Variants in SLC25A26 observed in about 807,000 individuals in gnomAD.
The protein encoded by SLC25A26 is mitochondrial S-adenosylmethionine carrier protein.
Under a neutral mutation model 37.8 loss-of-function variants are expected in SLC25A26, and 36 were observed. That is an observed-to-expected ratio of 0.95 (90% CI 0.73 to 1.26). The LOEUF (loss-of-function observed/expected upper bound fraction) is 1.26, where lower values mean the gene tolerates loss of function less well. Ranked by LOEUF, SLC25A26 falls within the 50% of genes most tolerant of loss-of-function variation. The pLI is 0.00. For missense variants in SLC25A26, 390 were observed against 331.1 expected (o/e 1.18, Z -1.38); for synonymous variants, 129 against 122.5 (o/e 1.05, Z -0.35).
intron 5 of SLC25A26, among the ~76,000 whole-genome samples, chr3:66,343,194 A>G (rs1157937883): frequency 2.6e-5 from 4 of 152,206 alleles, no homozygotes; most frequent in Non-Finnish European, 5.9e-5. Flanking sequence ...TGTTTTAGCT[A>G]TGGAGCTGTA....
intron 1 of SLC25A26, among the ~76,000 whole-genome samples, chr3:66,165,050 C>T (rs1405060078): frequency 6.6e-6 from 1 of 152,186 alleles, no homozygotes; most frequent in Non-Finnish European, 1.5e-5. Flanking sequence ...ACCTCAGAGA[C>T]TGTATCCTGA....
Position 66,377,767 on chromosome 3 carries a change from C to T in SLC25A26, c.785C>T (p.Thr262Met), listed in dbSNP as rs767197019. 2.4e-5 allele frequency: 39 copies of T among 1,613,788 alleles called. No individual in the cohort carries two copies. The East Asian group carries it at 3.3e-4, about 14-fold the overall frequency. The change falls in exon 10 of 10, where the codon ACG becomes ATG. Residue 262 changes from threonine to methionine, a missense_variant. Thr to Met is a moderately conservative substitution (Grantham distance 81). Coordinates refer to ENST00000354883, the MANE Select transcript of SLC25A26 (RefSeq NM_001379210.1). ...GFIFLGAYDR[T>M]HSLLLEVGRK... ...ATCTTTCTGGGGGCTTATGACCGAA[C>T]GCACAGCTTGCTGTTGGAAGTTGGC...
intron 5 of SLC25A26, among the ~76,000 whole-genome samples, chr3:66,301,507 A>G (rs1186047013): frequency 2.0e-5 from 3 of 152,192 alleles, no homozygotes; most frequent in Non-Finnish European, 2.9e-5. Flanking sequence ...TAGTATTTTT[A>G]TGTAAGCAGA....
chr3:66,258,565 G>A (rs539076406), intron 3 of SLC25A26, among the ~76,000 whole-genome samples: 1 of 152,216 alleles, frequency 6.6e-6, no homozygotes, highest in Non-Finnish European at 1.5e-5. Flanking sequence ...GAGATATAAT[G>A]TAAGATGCAG....
chr3:66,305,953 C>T (rs1054478229), intron 5 of SLC25A26, among the ~76,000 whole-genome samples: 21 of 152,086 alleles, frequency 1.4e-4, no homozygotes, highest in South Asian at 2.1e-4. Flanking sequence ...TCCTCAACCT[C>T]GCCAGCATCT....
chr3:66,311,013 A>G (rs2075361377), intron 5 of SLC25A26, among the ~76,000 whole-genome samples: 1 of 151,912 alleles, frequency 6.6e-6, no homozygotes, highest in Non-Finnish European at 1.5e-5. Flanking sequence ...TGCTCTCTGT[A>G]TTTCCTGAAT....
intron 1 of SLC25A26, among the ~76,000 whole-genome samples, chr3:66,149,555 A>ATTGTGCTC (rs1490626493): frequency 6.6e-6 from 1 of 152,250 alleles, no homozygotes; most frequent in African/African-American, 2.4e-5. Context: ...GTTAGAGTTC[A>ATTGTGCTC]TTGTGCTCTT....
intron 5 of SLC25A26, among the ~76,000 whole-genome samples, chr3:66,317,706 G>A (rs1344164997): frequency 6.6e-6 from 1 of 152,152 alleles, no homozygotes; most frequent in Non-Finnish European, 1.5e-5. Context: ...GAGCCAGCAG[G>A]CATAAAAGAC....
At chr3:66,266,518 G>A (rs2073756636) in intron 5 of SLC25A26, among the ~76,000 whole-genome samples, 2 of 149,204 alleles carry the variant, frequency 1.3e-5, no homozygotes, top group South Asian at 2.1e-4. Flanking sequence ...ATTGAAGTTT[G>A]AGTCCATGCA....
chr3:66,256,774 A>T (rs1331547184), intron 3 of SLC25A26, among the ~76,000 whole-genome samples: 1 of 152,130 alleles, frequency 6.6e-6, no homozygotes, highest in East Asian at 1.9e-4. Context: ...GCACACCCGT[A>T]GTCCCAGCTC....
chr3:66,292,011 A>T (rs1052318659), intron 5 of SLC25A26, among the ~76,000 whole-genome samples: 1 of 138,678 alleles, frequency 7.2e-6, no homozygotes, highest in East Asian at 1.9e-4. Flanking sequence ...TATTTAGGAT[A>T]GTTAGCTCTT....
chr3:66,301,556 G>A (rs1576830072), intron 5 of SLC25A26, among the ~76,000 whole-genome samples: 2 of 152,314 alleles, frequency 1.3e-5, no homozygotes, highest in South Asian at 2.1e-4. Flanking sequence ...TTTAACAAGA[G>A]GGACTGAATC....
chr3:66,173,346 G>C (rs1354959209), intron 1 of SLC25A26, among the ~76,000 whole-genome samples: 1 of 152,096 alleles, frequency 6.6e-6, no homozygotes, highest in Non-Finnish European at 1.5e-5. Flanking sequence ...GTAGAGGTAG[G>C]GTGAGGGTCC....
chr3:66,208,089 C>T (rs1048127430), intron 1 of SLC25A26, among the ~76,000 whole-genome samples: 13 of 152,210 alleles, frequency 8.5e-5, no homozygotes, highest in African/African-American at 2.9e-4. Flanking sequence ...CATTTCCAAG[C>T]GATTAGTCAA....
At chr3:66,336,896 A>G (rs544188996) in intron 5 of SLC25A26, among the ~76,000 whole-genome samples, 1 of 152,290 alleles carries the variant, frequency 6.6e-6, no homozygotes, top group Admixed American at 6.5e-5. Context: ...TAAGAACCTC[A>G]ACTAGCAAAA....
chr3:66,374,717 C>CA (rs1036193270), intron 9 of SLC25A26, among the ~76,000 whole-genome samples: 2 of 152,018 alleles, frequency 1.3e-5, no homozygotes, highest in Non-Finnish European at 2.9e-5. Context: ...ACCCTGTCTA[C>CA]AAAAAATACA....
At chr3:66,245,717 T>G (rs2072803274) in intron 3 of SLC25A26, among the ~76,000 whole-genome samples, 1 of 152,188 alleles carries the variant, frequency 6.6e-6, no homozygotes, top group African/African-American at 2.4e-5. Flanking sequence ...ATATTCCTTG[T>G]TTAAGAATAA....
At chr3:66,235,898 ATTT>A (rs1431069211) in intron 1 of SLC25A26, among the ~76,000 whole-genome samples, 2 of 152,096 alleles carry the variant, frequency 1.3e-5, no homozygotes, top group Non-Finnish European at 2.9e-5. Context: ...TCTGAAGTTT[ATTT>A]GTTGTTCTTG....
At chr3:66,307,313 G>C (rs1244145887) in intron 5 of SLC25A26, among the ~76,000 whole-genome samples, 1 of 152,326 alleles carries the variant, frequency 6.6e-6, no homozygotes, top group East Asian at 1.9e-4. Context: ...CTTTTGAGAA[G>C]TGTCTGTTAA....
Sources: allele counts gnomAD v4.1 joint callset (sites outside exome capture counted in the v4.1 genomes callset), GRCh38; gene constraint gnomAD v4.1.1; transcripts MANE v1.5; gene names NCBI Gene and HGNC (gene_info 2026-07-23, HGNC 2026-07-21).